Variants in PKHD1L1 observed in about 807,000 individuals in gnomAD.
PKHD1L1 encodes the protein fibrocystin-L.
Under a neutral mutation model 462.9 loss-of-function variants are expected in PKHD1L1, and 434 were observed. That is an observed-to-expected ratio of 0.94 (90% CI 0.87 to 1.02). PKHD1L1 has a LOEUF of 1.02. PKHD1L1 is among the 50% of genes least tolerant of loss of function. The pLI, the probability that PKHD1L1 is intolerant of heterozygous loss-of-function variation, is 0.00. For missense variants in PKHD1L1, 5,202 were observed against 5,096.1 expected (o/e 1.02, Z -0.63); for synonymous variants, 1,781 against 1,750.0 (o/e 1.02, Z -0.44).
intron 24 of PKHD1L1, among the ~76,000 whole-genome samples, chr8:109,426,359 T>G (rs940712243): frequency 5.3e-5 from 8 of 152,040 alleles, no homozygotes; most frequent in African/African-American, 1.9e-4. Flanking sequence ...TGAATTGATA[T>G]GAAAATATCG....
chr8:109,375,440 G>A (rs145745350), intron 2 of PKHD1L1, among the ~76,000 whole-genome samples: 1 of 152,116 alleles, frequency 6.6e-6, no homozygotes, highest in Non-Finnish European at 1.5e-5. Context: ...TTTGCCATTG[G>A]TTCGAACTTC....
At chr8:109,444,600 A>C in intron 37 of PKHD1L1, 61 bp from the exon 38 acceptor site, 3 of 1,439,920 alleles carry the variant, frequency 2.1e-6, no homozygotes, top group Non-Finnish European at 2.8e-6. Flanking sequence ...GCTAATACAA[A>C]ATTTGTTTAT....
chr8:109,497,083 G>A lies in PKHD1L1; in HGVS notation c.10476+16G>A, dbSNP rs867333261. ...TTATTTTCAGGTAATTATGATTAAA[G>A]ATGGTGATTGTTTATTTTCTTTTAT... is the stretch of plus-strand genomic sequence containing the variant. On this transcript the variant is annotated intron_variant, in intron 64 of 77. Transcript: ENST00000378402. The A allele has an allele frequency of 6.2e-7, 1 of 1,612,728 alleles. No homozygotes were observed. The highest frequency in any genetic ancestry group is 1.7e-4 in the Middle Eastern group (1 of 6,056).
chr8:109,507,626 G>A, intron 68 of PKHD1L1, 37 bp from the exon 69 acceptor site: 1 of 1,546,138 alleles, frequency 6.5e-7, no homozygotes. Context: ...TTGCTCTCTA[G>A]AAACAATGAA....
chr8:109,490,521 G>T (rs1446642264), intron 60 of PKHD1L1, among the ~76,000 whole-genome samples: 1 of 151,720 alleles, frequency 6.6e-6, no homozygotes, highest in Non-Finnish European at 1.5e-5. Context: ...AAAATAATCT[G>T]TAGGTTTAAA....
intron 71 of PKHD1L1, among the ~76,000 whole-genome samples, chr8:109,514,551 T>C (rs1297909036): frequency 2.6e-5 from 4 of 152,140 alleles, no homozygotes; most frequent in Non-Finnish European, 4.4e-5. Flanking sequence ...GTCAATATTC[T>C]GAGCCTCTGA....
chr8:109,491,052 A>G lies in PKHD1L1; in HGVS notation c.10065A>G (p.Thr3355=), dbSNP rs182303219. The G allele has an allele frequency of 4.7e-4, 751 of 1,610,032 alleles. 1 individual carries two copies. In the Middle Eastern group the frequency reaches 5.5e-3, roughly 12 times the overall value. Residue 3355 remains threonine, a synonymous_variant, in exon 61 of 78, where the codon ACA becomes ACG. Transcript: ENST00000378402. The part of the protein sequence containing the change: ...GFSPAIGVFG[T]DGLDIDDNII... ...CTCCAGCAATTGGTGTATTTGGGAC[A>G]GATGGATTGGACATAGATGACAACA...
At chr8:109,485,985 C>T (rs1477258554) in intron 58 of PKHD1L1, among the ~76,000 whole-genome samples, 1 of 151,816 alleles carries the variant, frequency 6.6e-6, no homozygotes, top group African/African-American at 2.4e-5. Context: ...ATTATAGATT[C>T]TTTCATTTAA....
chr8:109,418,669 A>C (rs147529404), intron 21 of PKHD1L1, among the ~76,000 whole-genome samples: 11 of 152,294 alleles, frequency 7.2e-5, no homozygotes, highest in African/African-American at 2.4e-4. Flanking sequence ...TCCCTGGAAG[A>C]GTTATAAAGT....
intron 23 of PKHD1L1, among the ~76,000 whole-genome samples, chr8:109,421,067 T>C (rs1279943624): frequency 1.3e-5 from 2 of 152,086 alleles, no homozygotes; most frequent in Non-Finnish European, 2.9e-5. Context: ...TATTTTTGCT[T>C]GTATGAAAAT....
intron 16 of PKHD1L1, among the ~76,000 whole-genome samples, chr8:109,405,520 G>A (rs920974570): frequency 6.6e-6 from 1 of 152,134 alleles, no homozygotes; most frequent in Non-Finnish European, 1.5e-5. Flanking sequence ...AAAAAGGGAT[G>A]AGATCATGTC....
intron 15 of PKHD1L1, 53 bp from the exon 16 acceptor site, chr8:109,404,942 T>C (rs1168876904): frequency 1.6e-6 from 2 of 1,255,454 alleles, no homozygotes; most frequent in East Asian, 5.3e-5. Flanking sequence ...TATGATGCTT[T>C]TAAGATATAT....
chr8:109,412,054 G>T (rs1813883880), intron 19 of PKHD1L1, among the ~76,000 whole-genome samples: 1 of 152,012 alleles, frequency 6.6e-6, no homozygotes, highest in African/African-American at 2.4e-5. Flanking sequence ...AATCAAACTT[G>T]GGAACTAGTC....
intron 59 of PKHD1L1, 66 bp downstream of exon 59, chr8:109,486,887 C>T: frequency 7.2e-7 from 1 of 1,390,284 alleles, no homozygotes; most frequent in Non-Finnish European, 9.8e-7. Flanking sequence ...ATGTAGTCAG[C>T]TCTTACATAA....
intron 29 of PKHD1L1, 110 bp downstream of exon 29, chr8:109,435,464 G>A (rs1586504777): frequency 1.7e-6 from 2 of 1,188,522 alleles, no homozygotes; most frequent in East Asian, 2.4e-5. Context: ...TCCTCTTATA[G>A]AACAAAGGAA....
intron 77 of PKHD1L1, 124 bp downstream of exon 77, chr8:109,527,144 C>T (rs766455341): frequency 3.3e-4 from 272 of 817,526 alleles, no homozygotes; most frequent in Non-Finnish European, 4.6e-4. Flanking sequence ...AAGTAACAGC[C>T]TCAATAGCAG....
At position 109,385,580 on chromosome 8, in the gene PKHD1L1, T is replaced by C; in HGVS notation, c.519T>C (p.Tyr173=). Residue 173 remains tyrosine (Y), a synonymous_variant, in exon 6 of 78, where the codon TAT becomes TAC. Coordinates refer to ENST00000378402, the MANE Select transcript of PKHD1L1 (RefSeq NM_177531.6). ...TIQGRIFTDV[Y]GSNIALSSNG... ...AAGGCAGAATCTTCACTGATGTCTA[T>C]GGAAGTAATATTGCACTAAGCTCAA... 1 of 1,607,286 alleles carries C rather than the reference T, an allele frequency of 6.2e-7. No individual in the cohort carries two copies. The highest frequency in any genetic ancestry group is 8.5e-7 in the Non-Finnish European group (1 of 1,175,898).
chr8:109,434,174 A>G (rs965679843), intron 28 of PKHD1L1, among the ~76,000 whole-genome samples: 3 of 152,084 alleles, frequency 2.0e-5, no homozygotes, highest in African/African-American at 7.2e-5. Flanking sequence ...GGTGCAGCAA[A>G]CCACGATGAT....
At position 109,486,739 on chromosome 8, in the gene PKHD1L1, A is replaced by G; in HGVS notation, c.9798A>G (p.Glu3266=). Residue 3266 remains glutamate, a synonymous_variant, in exon 59 of 78, where the codon GAA becomes GAG. Coordinates refer to ENST00000378402, the MANE Select transcript of PKHD1L1 (RefSeq NM_177531.6). ...GTAGGAACATCAAAATAGTTGGTGA[A>G]GATTACCCCGGTTGGTCTGAGGACT... ...ILSRNIKIVG[E]DYPGWSEDSF... is the part of the protein sequence containing the mutation. The G allele has an allele frequency of 6.2e-7, 1 of 1,612,520 alleles. No homozygotes were observed.
Sources: allele counts gnomAD v4.1 joint callset (sites outside exome capture counted in the v4.1 genomes callset), GRCh38; gene constraint gnomAD v4.1.1; transcripts MANE v1.5; gene names NCBI Gene and HGNC (gene_info 2026-07-23, HGNC 2026-07-21).